Variants in SGCZ observed in about 807,000 individuals in gnomAD.
SGCZ encodes sarcoglycan zeta, also known as zeta-sarcoglycan.
Under a neutral mutation model 41.3 loss-of-function variants are expected in SGCZ, and 40 were observed. That is an observed-to-expected ratio of 0.97 (90% confidence interval 0.75 to 1.26). The LOEUF is 1.26. SGCZ is among the 50% of genes most tolerant of loss of function. The probability of loss-of-function intolerance (pLI) is 0.00; values close to 1 mark genes in which losing one functional copy is unlikely to be tolerated. For synonymous variants in SGCZ, 206 were observed against 137.5 expected (o/e 1.50, Z -3.49); for missense variants, 552 against 369.8 (o/e 1.49, Z -4.04).
intron 1 of SGCZ, among the ~76,000 whole-genome samples, chr8:15,148,970 A>G (rs899448479): frequency 6.6e-6 from 1 of 152,222 alleles, no homozygotes; most frequent in African/African-American, 2.4e-5. Flanking sequence ...GCAAACACGT[A>G]TCACAGATAT....
intron 1 of SGCZ, among the ~76,000 whole-genome samples, chr8:15,143,362 C>T (rs1798949487): frequency 6.6e-6 from 1 of 152,140 alleles, no homozygotes; most frequent in African/African-American, 2.4e-5. Flanking sequence ...GATGTTTCTT[C>T]TCACTAGTAC....
intron 1 of SGCZ, among the ~76,000 whole-genome samples, chr8:14,905,386 T>C (rs2130767390): frequency 6.6e-6 from 1 of 152,070 alleles, no homozygotes; most frequent in African/African-American, 2.4e-5. Flanking sequence ...CGACATGACA[T>C]CACACCGCTT....
chr8:14,321,228 T>C (rs1801907939), intron 3 of SGCZ, among the ~76,000 whole-genome samples: 1 of 152,214 alleles, frequency 6.6e-6, no homozygotes, highest in Non-Finnish European at 1.5e-5. Context: ...TTTTGAAAAA[T>C]ACATTGAATT....
At chr8:14,435,080 C>T (rs1250939440) in intron 2 of SGCZ, among the ~76,000 whole-genome samples, 3 of 152,048 alleles carry the variant, frequency 2.0e-5, no homozygotes, top group Non-Finnish European at 2.9e-5. Flanking sequence ...CCCTCAAAGT[C>T]GATATACTAG....
chr8:14,482,824 G>C (rs891619130), intron 2 of SGCZ, among the ~76,000 whole-genome samples: 2 of 151,814 alleles, frequency 1.3e-5, no homozygotes, highest in Non-Finnish European at 2.9e-5. Flanking sequence ...CCTTGGACTA[G>C]GCCTTATACC....
intron 3 of SGCZ, among the ~76,000 whole-genome samples, chr8:14,241,095 G>C (rs1437829598): frequency 6.6e-6 from 1 of 152,000 alleles, no homozygotes; most frequent in African/African-American, 2.4e-5. Context: ...CTTTTTTCTT[G>C]TGTTTGTTTC....
chr8:14,568,005 C>G (rs1804431410), intron 1 of SGCZ, among the ~76,000 whole-genome samples: 1 of 152,148 alleles, frequency 6.6e-6, no homozygotes. Flanking sequence ...GTCAGTGAGA[C>G]CAAGAACCCA....
At chr8:14,130,537 C>G (rs530123228) in intron 5 of SGCZ, among the ~76,000 whole-genome samples, 2 of 152,166 alleles carry the variant, frequency 1.3e-5, no homozygotes, top group East Asian at 3.9e-4. Context: ...ACTAGACTGC[C>G]TGAAGAAGAA....
intron 1 of SGCZ, among the ~76,000 whole-genome samples, chr8:15,127,748 G>C (rs141463324): frequency 6.6e-4 from 100 of 151,764 alleles, no homozygotes; most frequent in African/African-American, 2.2e-3. Flanking sequence ...CTCCATATGT[G>C]GAATAAAAAT....
chr8:15,128,671 T>C (rs915940577), intron 1 of SGCZ, among the ~76,000 whole-genome samples: 3 of 152,202 alleles, frequency 2.0e-5, no homozygotes, highest in Non-Finnish European at 2.9e-5. Context: ...TTCTGTGAAA[T>C]GGCTTACTGC....
intron 5 of SGCZ, among the ~76,000 whole-genome samples, chr8:14,113,242 C>T (rs1802427002): frequency 6.6e-6 from 1 of 152,080 alleles, no homozygotes; most frequent in African/African-American, 2.4e-5. Flanking sequence ...TGTGTTCAAA[C>T]ATCTTTTCTT....
chr8:14,837,985 C>A (rs890082167), intron 1 of SGCZ, among the ~76,000 whole-genome samples: 1 of 151,980 alleles, frequency 6.6e-6, no homozygotes, highest in Non-Finnish European at 1.5e-5. Context: ...GTTAGATATA[C>A]ACAATGTAAT....
chr8:15,169,158 G>A (rs535196687), intron 1 of SGCZ, among the ~76,000 whole-genome samples: 1 of 152,142 alleles, frequency 6.6e-6, no homozygotes, highest in Admixed American at 6.5e-5. Context: ...TCTGACTGCC[G>A]CTTCCCCCAA....
intron 2 of SGCZ, among the ~76,000 whole-genome samples, chr8:14,408,348 C>T (rs987794706): frequency 1.4e-4 from 22 of 152,080 alleles, no homozygotes; most frequent in South Asian, 6.2e-4. Context: ...TATGTCCCAA[C>T]GTCCTAGAAA....
chr8:14,619,625 C>G (rs531548020), intron 1 of SGCZ, among the ~76,000 whole-genome samples: 1 of 152,218 alleles, frequency 6.6e-6, no homozygotes, highest in East Asian at 1.9e-4. Flanking sequence ...GCAAAAATGA[C>G]AGGCATTCTT....
intron 2 of SGCZ, among the ~76,000 whole-genome samples, chr8:14,498,260 C>T (rs1174728472): frequency 6.6e-6 from 1 of 151,968 alleles, no homozygotes; most frequent in East Asian, 1.9e-4. Flanking sequence ...TATAGTTCTT[C>T]TAGAGTTTAA....
At chr8:15,099,704 T>A (rs989097631) in intron 1 of SGCZ, among the ~76,000 whole-genome samples, 4 of 152,084 alleles carry the variant, frequency 2.6e-5, no homozygotes, top group Non-Finnish European at 5.9e-5. Context: ...AAATTCTCAG[T>A]AAAATATTAG....
In SGCZ at chr8:14,702,970, T is replaced by TAGACAGAC. The variant is rs3988432; in HGVS notation, c.40-148052_40-148045dup. On this transcript the variant is annotated intron_variant, in intron 1 of 7. Coordinates refer to ENST00000382080, the MANE Select transcript of SGCZ (RefSeq NM_139167.4). ...ATAGATAGATAGATAGATAGATAGA[T>TAGACAGAC]AGACAGACAGACAGACAGATAGATT... Among the ~76,000 whole-genome samples the TAGACAGAC allele has an allele frequency of 2.1e-3, 266 of 129,204 alleles. 3 individuals are homozygous for TAGACAGAC. Among genetic ancestry groups the TAGACAGAC allele is most frequent in the Non-Finnish European group, 3.0e-3 (176 of 59,388 alleles). The allele number at this position is 129,204 out of a possible 152,430, so 84.8% of individuals were successfully genotyped here. A position where few individuals can be genotyped will look rare whatever the true frequency, so the allele number is the denominator to read the frequency against.
At chr8:14,338,838 T>C (rs1405101489) in intron 2 of SGCZ, among the ~76,000 whole-genome samples, 4 of 152,134 alleles carry the variant, frequency 2.6e-5, no homozygotes, top group African/African-American at 9.7e-5. Flanking sequence ...AAGTGCCCTA[T>C]GACAAGAGTG....
Sources: gnomAD v4.1 joint callset for allele counts (sites outside exome capture counted in the v4.1 genomes callset) on GRCh38, gnomAD v4.1.1 for gene constraint, MANE v1.5 for transcripts, NCBI Gene and HGNC (gene_info 2026-07-23, HGNC 2026-07-21) for gene names.